Variants in SPMIP7 observed in about 807,000 individuals in gnomAD.
The protein encoded by SPMIP7 is protein SPMIP7.
chr7:50,155,854 C>T, the SPMIP7 span, among the ~76,000 whole-genome samples: 1 of 152,294 alleles, frequency 6.6e-6, no homozygotes, highest in Non-Finnish European at 1.5e-5. Context: ...ACATACTGCA[C>T]ATACAGCTCT....
At chr7:50,124,965 G>A in the SPMIP7 span, among the ~76,000 whole-genome samples, 1 of 151,452 alleles carries the variant, frequency 6.6e-6, no homozygotes, top group Non-Finnish European at 1.5e-5. Context: ...CCTGCATGGT[G>A]GCGGGTGCCT....
At chr7:50,137,112 T>G in the SPMIP7 span, among the ~76,000 whole-genome samples, 1 of 152,294 alleles carries the variant, frequency 6.6e-6, no homozygotes, top group Admixed American at 6.5e-5. Context: ...TTGTGTTCTT[T>G]GTCTATAAAC....
chr7:50,132,715 A>G, the SPMIP7 span, among the ~76,000 whole-genome samples: 1 of 152,194 alleles, frequency 6.6e-6, no homozygotes, highest in Non-Finnish European at 1.5e-5. Context: ...TAGTGCTTCT[A>G]TGACACTAAT....
At chr7:50,143,233 C>T in the SPMIP7 span, among the ~76,000 whole-genome samples, 11 of 148,330 alleles carry the variant, frequency 7.4e-5, no homozygotes, top group Non-Finnish European at 1.2e-4. Context: ...GGCGTGATCT[C>T]GGCTCACTGC....
the SPMIP7 span, among the ~76,000 whole-genome samples, chr7:50,138,705 A>G: frequency 1.3e-5 from 2 of 152,358 alleles, no homozygotes; most frequent in East Asian, 3.9e-4. Flanking sequence ...TACCATTTTT[A>G]AAATCTTTAA....
At chr7:50,125,115 T>TATATATATATATATATATACACAC in the SPMIP7 span, among the ~76,000 whole-genome samples, 2 of 25,420 alleles carry the variant, frequency 7.9e-5, no homozygotes, top group South Asian at 1.1e-3. Context: ...TATATATATA[T>TATATATATATATATATATACACAC]ACACACACAC....
the SPMIP7 span, chr7:50,140,103 A>G: frequency 3.6e-6 from 5 of 1,389,916 alleles, no homozygotes; most frequent in African/African-American, 3.0e-5. Flanking sequence ...TTAACTTAAT[A>G]TAAATAACCC....
At chr7:50,149,031 G>A in the SPMIP7 span, among the ~76,000 whole-genome samples, 1 of 152,140 alleles carries the variant, frequency 6.6e-6, no homozygotes, top group South Asian at 2.1e-4. Context: ...TGTAATAGCA[G>A]CTACTCAGGA....
At chr7:50,129,572 A>T in the SPMIP7 span, 1 of 608,060 alleles carries the variant, frequency 1.6e-6, no homozygotes, top group Non-Finnish European at 2.9e-6. Context: ...AAAAGTAGGG[A>T]AGCATTAAAT....
At chr7:50,118,353 A>AT in the SPMIP7 span, among the ~76,000 whole-genome samples, 2 of 152,294 alleles carry the variant, frequency 1.3e-5, no homozygotes, top group East Asian at 3.9e-4. Flanking sequence ...TTATGAACAA[A>AT]TACTGGTGGG....
chr7:50,149,782 T>A, the SPMIP7 span, among the ~76,000 whole-genome samples: 4 of 152,186 alleles, frequency 2.6e-5, no homozygotes, highest in Non-Finnish European at 5.9e-5. Flanking sequence ...TTAGTGCAAT[T>A]CCCTGCCTGA....
At chr7:50,119,219 T>A in the SPMIP7 span, among the ~76,000 whole-genome samples, 2 of 152,096 alleles carry the variant, frequency 1.3e-5, no homozygotes, top group East Asian at 3.9e-4. Flanking sequence ...TGGGTTCACA[T>A]GTTAAAGCTC....
At chr7:50,149,501 G>A in the SPMIP7 span, among the ~76,000 whole-genome samples, 1 of 152,212 alleles carries the variant, frequency 6.6e-6, no homozygotes, top group Admixed American at 6.5e-5. Flanking sequence ...CTTCACTGGA[G>A]TAAAACCTCA....
the SPMIP7 span, chr7:50,140,252 C>A: frequency 3.5e-6 from 3 of 846,246 alleles, no homozygotes; most frequent in Non-Finnish European, 5.4e-6. Flanking sequence ...TTTCAGCTCA[C>A]GCATGTTGTA....
the SPMIP7 span, among the ~76,000 whole-genome samples, chr7:50,130,621 G>A: frequency 6.6e-6 from 1 of 152,076 alleles, no homozygotes; most frequent in Admixed American, 6.6e-5. Flanking sequence ...CTTAAAAAGT[G>A]ACAGATAAGT....
At chr7:50,158,335 C>G in the SPMIP7 span, among the ~76,000 whole-genome samples, 1 of 151,020 alleles carries the variant, frequency 6.6e-6, no homozygotes, top group Non-Finnish European at 1.5e-5. Flanking sequence ...GTCCCTGCCA[C>G]CCATGTCTTC....
At chr7:50,150,337 A>G in the SPMIP7 span, among the ~76,000 whole-genome samples, 79 of 152,204 alleles carry the variant, frequency 5.2e-4, no homozygotes, top group Non-Finnish European at 1.2e-4. Flanking sequence ...AAGGATGGCA[A>G]GTGAAAGCCA....
At chr7:50,149,159 G>A in the SPMIP7 span, among the ~76,000 whole-genome samples, 1 of 150,930 alleles carries the variant, frequency 6.6e-6, no homozygotes, top group Non-Finnish European at 1.5e-5. Flanking sequence ...AAAAAAAAAT[G>A]TGGGAGTGGG....
chr7:50,121,616 CAGTT>C, the SPMIP7 span, among the ~76,000 whole-genome samples: 1 of 151,916 alleles, frequency 6.6e-6, no homozygotes, highest in Non-Finnish European at 1.5e-5. Flanking sequence ...TTTTTCTGCC[CAGTT>C]AAACACTGTT....
Sources: allele counts gnomAD v4.1 joint callset (sites outside exome capture counted in the v4.1 genomes callset), GRCh38; gene constraint gnomAD v4.1.1; transcripts MANE v1.5; gene names NCBI Gene and HGNC (gene_info 2026-07-23, HGNC 2026-07-21).